Variants in ANKRD11 observed in about 807,000 individuals in gnomAD.
The protein encoded by ANKRD11 is ankyrin repeat domain-containing protein 11.
A neutral mutation model predicts 195.7 loss-of-function variants in ANKRD11; 17 were observed. The observed-to-expected ratio is 0.09, with a 90% CI of 0.06 to 0.13. The LOEUF (loss-of-function observed/expected upper bound fraction) is 0.13, where lower values mean the gene tolerates loss of function less well. Ranked by LOEUF, ANKRD11 falls within the 10% of genes least tolerant of loss-of-function variation. The pLI is 1.00. For synonymous variants in ANKRD11, 1,953 were observed against 1,528.1 expected, an observed-to-expected ratio of 1.28 and a Z score of -6.49; for missense variants, 3,735 against 3,566.1, an observed-to-expected ratio of 1.05 and a Z score of -1.21.
rs765273558 is a variant in ANKRD11 at position 89,317,052 on chromosome 16, G to A, written c.-33C>T. On this transcript the variant is annotated 5_prime_UTR_variant, in exon 3 of 13. Coordinates refer to ENST00000301030, the MANE Select transcript of ANKRD11 (RefSeq NM_013275.6). ...CTCCTCACCCGATCTTCATTTACAC[G>A]GCCGGCGCTTCATCATCAACCGTCT... 1.2e-5 allele frequency: 19 copies of A among 1,599,298 alleles called. No homozygotes were observed. The highest frequency in any genetic ancestry group is 8.5e-5 in the Admixed American group (5 of 58,804).
rs151175807 is a variant in ANKRD11, at chr16:89,419,388, G to C, written c.-144-1020C>G. On this transcript the variant is annotated intron_variant, in intron 1 of 12. Coordinates refer to ENST00000301030, the MANE Select transcript of ANKRD11 (RefSeq NM_013275.6). The stretch of plus-strand genomic sequence containing the variant: ...GAATCACTTGAATCTGCGAGGCAAA[G>C]GTTGCAGTGAGCTGAGACTGCACCA... Among the ~76,000 whole-genome samples, 50 of 151,858 alleles carry C rather than the reference G, an allele frequency of 3.3e-4. No homozygotes were observed. In the East Asian group the frequency reaches 9.3e-3, roughly 28 times the overall value.
At chr16:89,448,820 G>T (rs1446517272) in intron 1 of ANKRD11, among the ~76,000 whole-genome samples, 2 of 152,126 alleles carry the variant, frequency 1.3e-5, no homozygotes, top group Non-Finnish European at 2.9e-5. Context: ...GAGCGCACGT[G>T]AGTCCCGGCA....
intron 2 of ANKRD11, among the ~76,000 whole-genome samples, chr16:89,338,123 G>A (rs373107270): frequency 1.2e-4 from 18 of 152,182 alleles, no homozygotes; most frequent in Non-Finnish European, 2.1e-4. Flanking sequence ...GACGCCGCCC[G>A]TCAGGCTCCC....
At chr16:89,288,774 G>A (rs1597478138) in intron 6 of ANKRD11, 104 bp from the exon 7 acceptor site, 3 of 1,543,686 alleles carry the variant, frequency 1.9e-6, no homozygotes, top group East Asian at 4.5e-5. Context: ...GGACAAGCCA[G>A]GTGGGGAGCT....
rs1555526095 is a variant in ANKRD11 at position 89,280,409 on chromosome 16, G to A, written c.6133C>T (p.Pro2045Ser). The A allele has an allele frequency of 1.9e-6, 3 of 1,563,136 alleles. No individual in the cohort carries two copies. Among genetic ancestry groups the A allele is most frequent in the Admixed American group, 1.8e-5 (1 of 54,754 alleles). Residue 2045 changes from proline to serine, a missense_variant, in exon 9 of 13, where the codon CCC becomes TCC. Transcript: ENST00000301030. ...EDVKDGVDAV[P>S]AAISTSEAAP... The stretch of plus-strand genomic sequence containing the variant: ...GCCTCTGAGGTGGAGATGGCGGCGG[G>A]GACGGCGTCCACTCCGTCCTTGACG...
intron 2 of ANKRD11, among the ~76,000 whole-genome samples, chr16:89,379,775 C>T (rs995545184): frequency 2.6e-5 from 4 of 152,082 alleles, no homozygotes; most frequent in African/African-American, 4.8e-5. Flanking sequence ...CTGAGTACAA[C>T]GGGCAAAGAA....
At chr16:89,448,424 C>G (rs1175166907) in intron 1 of ANKRD11, among the ~76,000 whole-genome samples, 1 of 152,156 alleles carries the variant, frequency 6.6e-6, no homozygotes, top group Non-Finnish European at 1.5e-5. Flanking sequence ...AGAATTCACA[C>G]CATGAGTTCC....
At chr16:89,439,309 A>C (rs1350629358) in intron 1 of ANKRD11, among the ~76,000 whole-genome samples, 4 of 152,224 alleles carry the variant, frequency 2.6e-5, no homozygotes, top group Non-Finnish European at 5.9e-5. Flanking sequence ...ATATGTAAAA[A>C]TTTAAAAGCA....
chr16:89,424,338 G>C (rs2042632045), intron 1 of ANKRD11, among the ~76,000 whole-genome samples: 1 of 151,890 alleles, frequency 6.6e-6, no homozygotes, highest in Non-Finnish European at 1.5e-5. Flanking sequence ...CTACTCGGGA[G>C]ACTGAAGCAG....
intron 2 of ANKRD11, among the ~76,000 whole-genome samples, chr16:89,407,030 C>CA (rs1324242568): frequency 6.6e-6 from 1 of 151,838 alleles, no homozygotes; most frequent in African/African-American, 2.4e-5. Flanking sequence ...ACTAAAAACA[C>CA]AAAAAATTAG....
At chr16:89,327,630 A>T (rs1597659475) in intron 2 of ANKRD11, among the ~76,000 whole-genome samples, 1 of 152,244 alleles carries the variant, frequency 6.6e-6, no homozygotes, top group East Asian at 1.9e-4. Flanking sequence ...TGCTACCAAT[A>T]ATCCTATGAA....
At chr16:89,451,149 T>A (rs1386676193) in intron 1 of ANKRD11, among the ~76,000 whole-genome samples, 1 of 152,232 alleles carries the variant, frequency 6.6e-6, no homozygotes, top group African/African-American at 2.4e-5. Flanking sequence ...AGAAAAAGTT[T>A]GCCAATGCCT....
intron 2 of ANKRD11, chr16:89,324,085 C>T (rs2037537380): frequency 5.6e-6 from 2 of 359,016 alleles, no homozygotes; most frequent in Middle Eastern, 2.2e-3. Context: ...CTCTTGACCT[C>T]ATGATCTGCC....
At chr16:89,380,832 G>A (rs934646530) in intron 2 of ANKRD11, among the ~76,000 whole-genome samples, 3 of 152,232 alleles carry the variant, frequency 2.0e-5, no homozygotes, top group Admixed American at 2.0e-4. Context: ...AGGAAGGAGT[G>A]TGTGCAGTTC....
At chr16:89,444,880 T>A (rs74033792) in intron 1 of ANKRD11, among the ~76,000 whole-genome samples, 4,199 of 152,230 alleles carry the variant, frequency 0.028, 201 homozygotes, top group African/African-American at 0.094. Flanking sequence ...GAGAAATGCA[T>A]GAGGGGCTTA....
intron 2 of ANKRD11, among the ~76,000 whole-genome samples, chr16:89,391,615 T>TGG (rs1338602977): frequency 1.3e-5 from 2 of 152,150 alleles, no homozygotes; most frequent in African/African-American, 2.4e-5. Context: ...TAGAAATACA[T>TGG]GAAGTCAAGC....
At chr16:89,315,851 C>T (rs1054360530) in intron 3 of ANKRD11, among the ~76,000 whole-genome samples, 1 of 152,140 alleles carries the variant, frequency 6.6e-6, no homozygotes, top group Non-Finnish European at 1.5e-5. Flanking sequence ...CGTGTGGAAC[C>T]CCTGCTGAGC....
intron 1 of ANKRD11, among the ~76,000 whole-genome samples, chr16:89,462,041 CCT>C (rs1431889440): frequency 1.7e-5 from 2 of 119,690 alleles, no homozygotes; most frequent in Admixed American, 9.0e-5. Flanking sequence ...TCCCCCTCTC[CCT>C]CTCCCCCTCT....
intron 1 of ANKRD11, among the ~76,000 whole-genome samples, chr16:89,473,124 A>G (rs1411696497): frequency 6.6e-6 from 1 of 151,880 alleles, no homozygotes; most frequent in Non-Finnish European, 1.5e-5. Flanking sequence ...AGGCTGCAAT[A>G]AGTCAGGATC....
Sources: allele counts gnomAD v4.1 joint callset (sites outside exome capture counted in the v4.1 genomes callset), GRCh38; gene constraint gnomAD v4.1.1; transcripts MANE v1.5; gene names NCBI Gene and HGNC (gene_info 2026-07-23, HGNC 2026-07-21).